The following DMD variants were observed in gnomAD, a reference collection of about 807,000 sequenced individuals.
DMD encodes mutant dystrophin.
In DMD, 63 loss-of-function variants were observed where a neutral mutation model predicts 330.1. The observed-to-expected ratio is 0.19, with a 90% CI of 0.16 to 0.24. The LOEUF is 0.24. Ranked by LOEUF, DMD falls within the 10% of genes least tolerant of loss-of-function variation. DMD has a pLI of 1.00. For synonymous variants in DMD, 1,223 were observed against 959.8 expected, an observed-to-expected ratio of 1.27 and a Z score of -5.07; for missense variants, 3,344 against 2,684.1, an observed-to-expected ratio of 1.25 and a Z score of -5.43.
chrX:32,615,873 G>A (rs1247870811), intron 11 of DMD, among the ~76,000 whole-genome samples: 1 of 111,599 alleles, frequency 9.0e-6, no homozygotes, highest in East Asian at 2.8e-4. Flanking sequence ...ATTAGCTGGA[G>A]ACTATTATTA....
chrX:32,239,359 T>G (rs1287713799), intron 43 of DMD, among the ~76,000 whole-genome samples: 1 of 112,030 alleles, frequency 8.9e-6, no homozygotes, highest in African/African-American at 3.2e-5. Flanking sequence ...TTTAATAGAC[T>G]TGATTTTTTA....
At chrX:31,673,057 A>T (rs1343582030) in intron 53 of DMD, among the ~76,000 whole-genome samples, 1 of 112,364 alleles carries the variant, frequency 8.9e-6, no homozygotes, top group Non-Finnish European at 1.9e-5. Context: ...GCTGCAAGAT[A>T]GGTCAAACAG....
intron 44 of DMD, chrX:32,206,257 A>T (rs1003425878): frequency 3.3e-5 from 17 of 518,716 alleles, no homozygotes; most frequent in Non-Finnish European, 5.9e-5. Context: ...GAAGATACAG[A>T]GTCAGAAGAC....
rs977204741 is a variant in DMD, at chrX:31,767,008, G to A, written c.7542+6952C>T. Among the ~76,000 whole-genome samples, 7 of 110,060 alleles carry A rather than the reference G, an allele frequency of 6.4e-5. No homozygotes were observed. The South Asian group carries it at 1.2e-3, about 18-fold the overall frequency. On this transcript the variant is annotated intron_variant, in intron 51 of 78. Transcript: ENST00000357033. ...ACACTGACATATCTTTACATCCTTCGTTGAAGATAATAGTGGATTTGGTCT... is the reference window on the plus strand; with the variant it reads ...ACACTGACATATCTTTACATCCTTCATTGAAGATAATAGTGGATTTGGTCT...
intron 43 of DMD, among the ~76,000 whole-genome samples, chrX:32,276,000 C>T (rs980986217): frequency 8.9e-6 from 1 of 111,760 alleles, no homozygotes; most frequent in African/African-American, 3.3e-5. Context: ...ATCACCAACA[C>T]CACACCTTCC....
At chrX:32,787,749 G>T (rs1311164547) in intron 7 of DMD, among the ~76,000 whole-genome samples, 1 of 93,500 alleles carries the variant, frequency 1.1e-5, no homozygotes. Context: ...TAAGGACCAC[G>T]GTTGACCATG....
intron 7 of DMD, among the ~76,000 whole-genome samples, chrX:32,784,406 G>A (rs894073094): frequency 5.4e-5 from 6 of 111,912 alleles, no homozygotes; most frequent in African/African-American, 1.9e-4. Context: ...CTGTGCAAAC[G>A]TGTGGACTTA....
intron 55 of DMD, among the ~76,000 whole-genome samples, chrX:31,571,645 G>A (rs575334965): frequency 2.7e-5 from 3 of 111,228 alleles, no homozygotes; most frequent in South Asian, 7.7e-4. Context: ...CATCATCGCA[G>A]AGAATTCACA....
At chrX:32,004,219 A>T (rs764408249) in intron 44 of DMD, among the ~76,000 whole-genome samples, 1 of 111,206 alleles carries the variant, frequency 9.0e-6, no homozygotes, top group Non-Finnish European at 1.9e-5. Flanking sequence ...AATTACCCCT[A>T]CTTTACATCT....
intron 24 of DMD, among the ~76,000 whole-genome samples, chrX:32,463,913 G>A (rs982640954): frequency 1.8e-5 from 2 of 111,807 alleles, no homozygotes; most frequent in African/African-American, 3.2e-5. Flanking sequence ...ATCTTTGTTA[G>A]TATTTTCATT....
intron 12 of DMD, among the ~76,000 whole-genome samples, chrX:32,603,265 A>T (rs2056382638): frequency 9.0e-6 from 1 of 111,649 alleles, no homozygotes; most frequent in Admixed American, 9.6e-5. Context: ...CTCCTGAATG[A>T]TCTTTGGACA....
chrX:31,616,071 T>C (rs1431448212), intron 55 of DMD, among the ~76,000 whole-genome samples: 1 of 111,397 alleles, frequency 9.0e-6, no homozygotes, highest in Non-Finnish European at 1.9e-5. Flanking sequence ...CAGAAATGCG[T>C]CTATGGTCAG....
intron 1 of DMD, among the ~76,000 whole-genome samples, chrX:33,220,462 G>A (rs2052154414): frequency 8.9e-6 from 1 of 111,786 alleles, no homozygotes; most frequent in Non-Finnish European, 1.9e-5. Context: ...GTTATGTTAT[G>A]TGCTTTCCTA....
intron 52 of DMD, among the ~76,000 whole-genome samples, chrX:31,716,846 CACACACACACAT>C (rs1339216540): frequency 1.0e-5 from 1 of 97,494 alleles, no homozygotes; most frequent in Non-Finnish European, 2.1e-5. Flanking sequence ...CACACACACA[CACACACACACAT>C]ATATATATAT....
At chrX:31,704,614 A>G (rs1186700376) in intron 52 of DMD, among the ~76,000 whole-genome samples, 1 of 111,911 alleles carries the variant, frequency 8.9e-6, no homozygotes, top group Non-Finnish European at 1.9e-5. Context: ...TTTGCAGCCA[A>G]GGGAAGATCC....
intron 17 of DMD, among the ~76,000 whole-genome samples, chrX:32,535,678 C>T (rs755892565): frequency 7.2e-5 from 8 of 111,556 alleles, no homozygotes; most frequent in African/African-American, 9.8e-5. Flanking sequence ...CCCTGCGCTG[C>T]GTCTCAGTTT....
intron 11 of DMD, among the ~76,000 whole-genome samples, chrX:32,621,960 G>A (rs746267085): frequency 9.0e-6 from 1 of 111,281 alleles, no homozygotes; most frequent in African/African-American, 3.3e-5. Flanking sequence ...TATTTTAACA[G>A]GACTTCCAGG....
chrX:32,330,518 G>A (rs187787163), intron 41 of DMD, among the ~76,000 whole-genome samples: 206 of 111,967 alleles, frequency 1.8e-3, no homozygotes, highest in African/African-American at 6.5e-3. Flanking sequence ...CACTGCAGAA[G>A]CCATCTGAGC....
At chrX:32,293,083 C>A (rs2097480562) in intron 42 of DMD, among the ~76,000 whole-genome samples, 1 of 112,435 alleles carries the variant, frequency 8.9e-6, no homozygotes, top group African/African-American at 3.2e-5. Flanking sequence ...TTGTTTCGCA[C>A]CTCAATTTAA....
Sources: allele counts gnomAD v4.1 joint callset (sites outside exome capture counted in the v4.1 genomes callset), GRCh38; gene constraint gnomAD v4.1.1; transcripts MANE v1.5; gene names NCBI Gene and HGNC (gene_info 2026-07-23, HGNC 2026-07-21).